VSTM2L: variants seen among roughly 807,000 people sequenced by gnomAD.
The protein encoded by VSTM2L is V-set and transmembrane domain-containing protein 2-like protein.
A neutral mutation model predicts 19.9 loss-of-function variants in VSTM2L; 9 were observed. That is an observed-to-expected ratio of 0.45 (90% CI 0.27 to 0.79). The LOEUF is 0.79. Among genes scored for constraint, VSTM2L ranks in the 30% least tolerant of loss-of-function variants. The pLI is 0.15. For missense variants in VSTM2L, 286 were observed against 295.5 expected, an observed-to-expected ratio of 0.97 and a Z score of 0.24; for synonymous variants, 127 against 133.8, an observed-to-expected ratio of 0.95 and a Z score of 0.35.
chr20:37,924,015 T>C (rs1208465299), intron 1 of VSTM2L, among the ~76,000 whole-genome samples: 2 of 152,114 alleles, frequency 1.3e-5, no homozygotes, highest in Non-Finnish European at 2.9e-5. Flanking sequence ...GGCAGAAGGA[T>C]TGCTTGAGCC....
chr20:37,943,172 G>A (rs1454904695), intron 3 of VSTM2L, among the ~76,000 whole-genome samples: 1 of 152,088 alleles, frequency 6.6e-6, no homozygotes. Context: ...GTTTCCCCAT[G>A]TTGCCCAGGC....
chr20:37,914,638 C>T (rs936774864), intron 1 of VSTM2L, among the ~76,000 whole-genome samples: 2 of 152,058 alleles, frequency 1.3e-5, no homozygotes, highest in Non-Finnish European at 2.9e-5. Context: ...CCTGGCTCCC[C>T]TGTGCTCCAC....
chr20:37,941,658 C>T (rs2072972799), intron 3 of VSTM2L, among the ~76,000 whole-genome samples: 1 of 152,134 alleles, frequency 6.6e-6, no homozygotes, highest in South Asian at 2.1e-4. Context: ...CAGGCCAGCT[C>T]GTTGTCCCTC....
intron 1 of VSTM2L, among the ~76,000 whole-genome samples, chr20:37,923,906 T>G (rs1382458290): frequency 6.6e-6 from 1 of 152,122 alleles, no homozygotes; most frequent in African/African-American, 2.4e-5. Flanking sequence ...TCACACCCAC[T>G]CCATAGCATC....
intron 1 of VSTM2L, among the ~76,000 whole-genome samples, chr20:37,926,799 T>C (rs2072881689): frequency 6.6e-6 from 1 of 152,096 alleles, no homozygotes. Flanking sequence ...CATGCGGACA[T>C]GTGATGGGGG....
intron 1 of VSTM2L, among the ~76,000 whole-genome samples, chr20:37,905,915 CTG>C (rs2072749686): frequency 6.6e-6 from 1 of 152,092 alleles, no homozygotes; most frequent in Non-Finnish European, 1.5e-5. Context: ...TTGATAAAAG[CTG>C]TGTGTGCTGA....
At chr20:37,913,693 A>T (rs1010442813) in intron 1 of VSTM2L, among the ~76,000 whole-genome samples, 1 of 152,114 alleles carries the variant, frequency 6.6e-6, no homozygotes, top group African/African-American at 2.4e-5. Context: ...GTATCCAGGG[A>T]CTGCTGGGGC....
At chr20:37,930,356 C>G (rs2072901418) in intron 1 of VSTM2L, among the ~76,000 whole-genome samples, 1 of 152,164 alleles carries the variant, frequency 6.6e-6, no homozygotes, top group Admixed American at 6.5e-5. Context: ...TCCTCCTTCC[C>G]TAAGCTGAGC....
chr20:37,929,880 G>A (rs1020041360), intron 1 of VSTM2L, among the ~76,000 whole-genome samples: 22 of 152,114 alleles, frequency 1.4e-4, no homozygotes, highest in African/African-American at 4.8e-4. Flanking sequence ...ACGGTGATGT[G>A]GGGGAGGGAT....
intron 1 of VSTM2L, among the ~76,000 whole-genome samples, chr20:37,926,589 C>A (rs989112974): frequency 7.2e-5 from 11 of 152,190 alleles, no homozygotes; most frequent in Non-Finnish European, 1.6e-4. Flanking sequence ...AAAGTAATTG[C>A]GGTTTTGACC....
intron 3 of VSTM2L, among the ~76,000 whole-genome samples, chr20:37,935,211 T>C (rs1300337739): frequency 6.6e-6 from 1 of 152,192 alleles, no homozygotes; most frequent in Non-Finnish European, 1.5e-5. Context: ...AGCATGAATG[T>C]GCAATTACCC....
At chr20:37,922,159 G>A (rs781129075) in intron 1 of VSTM2L, among the ~76,000 whole-genome samples, 1 of 152,084 alleles carries the variant, frequency 6.6e-6, no homozygotes, top group Non-Finnish European at 1.5e-5. Context: ...TTCATCATCT[G>A]AAACAGAAAC....
chr20:37,933,395 A>C, intron 2 of VSTM2L, 144 bp from the exon 3 acceptor site: 1 of 660,474 alleles, frequency 1.5e-6, no homozygotes, highest in Non-Finnish European at 2.6e-6. Flanking sequence ...TCCAGACTCC[A>C]TGGCCCCCGA....
chr20:37,909,552 A>C (rs959494798), intron 1 of VSTM2L, among the ~76,000 whole-genome samples: 1 of 152,206 alleles, frequency 6.6e-6, no homozygotes, highest in African/African-American at 2.4e-5. Flanking sequence ...TATATTTTTA[A>C]ACATTCAAAT....
intron 1 of VSTM2L, among the ~76,000 whole-genome samples, chr20:37,925,855 G>C (rs1344640514): frequency 6.6e-6 from 1 of 151,980 alleles, no homozygotes; most frequent in Non-Finnish European, 1.5e-5. Flanking sequence ...CCTCCTACCT[G>C]AAGCCCCTCC....
At chr20:37,927,738 G>A (rs1380079559) in intron 1 of VSTM2L, among the ~76,000 whole-genome samples, 1 of 152,168 alleles carries the variant, frequency 6.6e-6, no homozygotes, top group Admixed American at 6.5e-5. Flanking sequence ...GAGACTGAGT[G>A]GGGATGAATT....
intron 1 of VSTM2L, among the ~76,000 whole-genome samples, chr20:37,910,856 G>T (rs1270404533): frequency 6.6e-6 from 1 of 151,312 alleles, no homozygotes; most frequent in African/African-American, 2.4e-5. Context: ...GTTCAAGGCT[G>T]CAGTGAGCTG....
intron 1 of VSTM2L, among the ~76,000 whole-genome samples, chr20:37,907,007 A>C (rs765245869): frequency 1.3e-5 from 2 of 152,222 alleles, no homozygotes; most frequent in Non-Finnish European, 2.9e-5. Context: ...AAGAAGCCTC[A>C]CATGGCAGAG....
chr20:37,938,374 G>A (rs1471999960), intron 3 of VSTM2L, among the ~76,000 whole-genome samples: 2 of 152,224 alleles, frequency 1.3e-5, no homozygotes, highest in Non-Finnish European at 1.5e-5. Context: ...GCTGGGTGGA[G>A]CTGATAGAGG....
Sources: allele counts gnomAD v4.1 joint callset (sites outside exome capture counted in the v4.1 genomes callset), GRCh38; gene constraint gnomAD v4.1.1; transcripts MANE v1.5; gene names NCBI Gene and HGNC (gene_info 2026-07-23, HGNC 2026-07-21).